RAPGEF4: variants seen among roughly 807,000 people sequenced by gnomAD.
RAPGEF4 encodes the protein Rap guanine nucleotide exchange factor 4.
A neutral mutation model predicts 147.9 loss-of-function variants in RAPGEF4; 66 were observed. The observed-to-expected ratio is 0.45, with a 90% CI of 0.37 to 0.55. The LOEUF is 0.55. Ranked by LOEUF, RAPGEF4 falls within the 20% of genes least tolerant of loss-of-function variation. RAPGEF4 has a pLI of 0.00. For missense variants in RAPGEF4, 1,071 were observed against 1,257.3 expected (o/e 0.85, Z 2.24); for synonymous variants, 419 against 442.7 (o/e 0.95, Z 0.67).
chr2:172,773,048 C>T (rs935716596), intron 1 of RAPGEF4, among the ~76,000 whole-genome samples: 30 of 152,078 alleles, frequency 2.0e-4, no homozygotes, highest in African/African-American at 6.0e-4. Flanking sequence ...TAATCTTGGC[C>T]CACCCAGAAA....
At chr2:172,879,926 G>T (rs1696414092) in intron 4 of RAPGEF4, among the ~76,000 whole-genome samples, 1 of 152,212 alleles carries the variant, frequency 6.6e-6, no homozygotes, top group Non-Finnish European at 1.5e-5. Context: ...CCAAAGGTGG[G>T]TGGTACAACA....
At position 172,896,475 on chromosome 2, in the gene RAPGEF4, T is replaced by C. The variant is rs11885658; in HGVS notation, c.445-21327T>C. On this transcript the variant is annotated intron_variant, in intron 4 of 30. Coordinates refer to ENST00000397081, the MANE Select transcript of RAPGEF4 (RefSeq NM_007023.4). ...ATAAACAGCTATTTAAAGCTATTTA[T>C]ATAATCAAAATAGTATTTATAGATA... Among the ~76,000 whole-genome samples the C allele has an allele frequency of 6.7e-3, 1,026 of 152,338 alleles. 7 individuals are homozygous for C. Among genetic ancestry groups the C allele is most frequent in the African/African-American group, 0.022 (931 of 41,578 alleles).
At chr2:173,044,743 C>A (rs952442055) in intron 29 of RAPGEF4, among the ~76,000 whole-genome samples, 3 of 152,178 alleles carry the variant, frequency 2.0e-5, no homozygotes, top group African/African-American at 7.2e-5. Flanking sequence ...GGATCCGGAG[C>A]GCCTTCTAAA....
At position 173,041,580 on chromosome 2, in the gene RAPGEF4, A is replaced by G. The variant is rs1684763952; in HGVS notation, c.2853+4888A>G. Among the ~76,000 whole-genome samples the G allele has an allele frequency of 2.0e-5, 3 of 152,266 alleles. No individual in the cohort carries two copies. The South Asian group carries it at 6.2e-4, about 31-fold the overall frequency. ...ACATAAGATATAAAAACTAGGTCAC[A>G]ATAGTAATAAAAGATGTCAGAAAGC... On this transcript the variant is annotated intron_variant, in intron 29 of 30. Transcript: ENST00000397081.
At chr2:172,877,325 T>C (rs184373667) in intron 4 of RAPGEF4, among the ~76,000 whole-genome samples, 3 of 151,738 alleles carry the variant, frequency 2.0e-5, no homozygotes, top group Admixed American at 6.6e-5. Flanking sequence ...AATGAGAACA[T>C]ATGGACACAG....
At chr2:172,895,078 T>C (rs1202553324) in intron 4 of RAPGEF4, among the ~76,000 whole-genome samples, 1 of 152,102 alleles carries the variant, frequency 6.6e-6, no homozygotes, top group Admixed American at 6.5e-5. Flanking sequence ...GATTTGTTGT[T>C]ACTTTCTGGG....
intron 10 of RAPGEF4, among the ~76,000 whole-genome samples, chr2:172,979,270 C>T (rs964790045): frequency 2.6e-5 from 4 of 152,158 alleles, no homozygotes; most frequent in African/African-American, 7.2e-5. Context: ...ACACATCTCC[C>T]TCAGGACGCA....
chr2:172,982,396 G>T (rs58634128), intron 10 of RAPGEF4, among the ~76,000 whole-genome samples: 11,104 of 152,170 alleles, frequency 0.073, 600 homozygotes, highest in South Asian at 0.16. Context: ...ATGCCGCCTA[G>T]CCATCAATAT....
chr2:172,965,513 AT>A (rs142507575), intron 8 of RAPGEF4, 48 bp from the exon 9 acceptor site: 2 of 1,586,226 alleles, frequency 1.3e-6, no homozygotes, highest in African/African-American at 2.7e-5. Context: ...CCCATCCTCT[AT>A]CTGAAAAGGG....
Position 172,965,577 on chromosome 2 carries a change from A to T in RAPGEF4, c.714A>T (p.Gly238=). ...HLKTYRQCCV[G]TELVDWMMQQ... ...CTCTCCTTAGACAATGCTGTGTGGG[A>T]ACTGAACTGGTGGACTGGATGATGC... is the stretch of plus-strand genomic sequence containing the variant. The change falls in exon 9 of 31, where the codon GGA becomes GGT. Residue 238 remains glycine, a synonymous_variant. Transcript: ENST00000397081. The T allele has an allele frequency of 6.2e-7, 1 of 1,613,650 alleles. No individual in the cohort carries two copies. Among genetic ancestry groups the T allele is most frequent in the South Asian group, 1.1e-5 (1 of 91,054 alleles).
At chr2:172,949,823 A>G (rs912765062) in intron 6 of RAPGEF4, among the ~76,000 whole-genome samples, 5 of 152,236 alleles carry the variant, frequency 3.3e-5, no homozygotes, top group Admixed American at 1.3e-4. Flanking sequence ...AGAATTACAT[A>G]ACATGGTAAA....
intron 19 of RAPGEF4, 126 bp from the exon 20 acceptor site, chr2:173,017,048 A>T: frequency 1.1e-6 from 1 of 884,110 alleles, no homozygotes; most frequent in Non-Finnish European, 1.8e-6. Flanking sequence ...GAGGAAGCTC[A>T]TATTGTCTCC....
rs372171158 is a variant in RAPGEF4 at position 173,016,383 on chromosome 2, T to C, written c.1844T>C (p.Met615Thr). ...FYVSVSDDAR[M>T]IAALKEQLPE... ...GTATCTGTATCAGATGATGCCCGGA[T>C]GATTGCTGCCCTCAAGGAGCAACTG... is the stretch of plus-strand genomic sequence containing the variant. The change falls in exon 19 of 31, where the codon ATG becomes ACG. Residue 615 changes from methionine (M) to threonine (T), a missense_variant. By Grantham distance (81) the Met-to-Thr change is moderately conservative. Transcript: ENST00000397081. The C allele has an allele frequency of 1.4e-5, 22 of 1,613,814 alleles. No homozygotes were observed. The African/African-American group carries it at 2.8e-4, about 21-fold the overall frequency.
chr2:172,997,448 C>G (rs1463370562), intron 16 of RAPGEF4, among the ~76,000 whole-genome samples: 3 of 149,876 alleles, frequency 2.0e-5, no homozygotes, highest in African/African-American at 7.6e-5. Context: ...GTTAGTTCTT[C>G]AACATATCTT....
At chr2:173,044,824 C>T (rs564063096) in intron 29 of RAPGEF4, among the ~76,000 whole-genome samples, 1 of 152,254 alleles carries the variant, frequency 6.6e-6, no homozygotes, top group South Asian at 2.1e-4. Flanking sequence ...TCTTAATGAG[C>T]TATTTGCTCA....
At chr2:173,048,301 A>C in intron 29 of RAPGEF4, 1 of 315,376 alleles carries the variant, frequency 3.2e-6, no homozygotes, top group East Asian at 9.5e-5. Flanking sequence ...ATGGTGAAAA[A>C]GCACTAATGT....
intron 6 of RAPGEF4, among the ~76,000 whole-genome samples, chr2:172,939,876 A>G (rs548007210): frequency 6.6e-6 from 1 of 152,240 alleles, no homozygotes; most frequent in Non-Finnish European, 1.5e-5. Context: ...CATTTCTTGA[A>G]AAGACTGTCT....
chr2:173,050,808 C>T (rs1005997620), intron 30 of RAPGEF4, among the ~76,000 whole-genome samples: 5 of 151,804 alleles, frequency 3.3e-5, no homozygotes, highest in African/African-American at 4.8e-5. Context: ...ACAGATTCCC[C>T]GTGGCAGCAA....
intron 6 of RAPGEF4, among the ~76,000 whole-genome samples, chr2:172,933,465 G>A (rs1236031924): frequency 6.6e-6 from 1 of 152,130 alleles, no homozygotes; most frequent in East Asian, 1.9e-4. Context: ...TCACTGTACT[G>A]GGCAGTATCC....
Sources: allele counts gnomAD v4.1 joint callset (sites outside exome capture counted in the v4.1 genomes callset), GRCh38; gene constraint gnomAD v4.1.1; transcripts MANE v1.5; gene names NCBI Gene and HGNC (gene_info 2026-07-23, HGNC 2026-07-21).